C2CD3: variants seen among roughly 807,000 people sequenced by gnomAD.
The protein encoded by C2CD3 is C2 domain containing 3 centriole elongation regulator.
C2CD3 carries 148 observed loss-of-function variants against 234.0 expected under a neutral mutation model. The ratio of observed to expected loss-of-function variants is 0.63; its 90% confidence interval spans 0.55 to 0.72. The LOEUF (loss-of-function observed/expected upper bound fraction) is 0.72, where lower values mean the gene tolerates loss of function less well. Among genes scored for constraint, C2CD3 ranks in the 30% least tolerant of loss-of-function variants. The pLI is 0.00. For synonymous variants in C2CD3, 1,000 were observed against 1,035.4 expected (o/e 0.97, Z 0.66); for missense variants, 2,577 against 2,811.5 (o/e 0.92, Z 1.89).
Position 74,033,737 on chromosome 11 carries a change from C to G in C2CD3, c.6423G>C (p.Leu2141=). The G allele has an allele frequency of 6.5e-7, 1 of 1,536,410 alleles. No homozygotes were observed. The highest frequency in any genetic ancestry group is 8.7e-7 in the Non-Finnish European group (1 of 1,146,940). ...SSPERAVNPH[L]PRQGSPSQSL... Reference sequence around the variant, plus strand: ...TTTGGCTAGGAGAACCCTGCCTAGGCAGGTGGGGGTTGACAGCCCTTTCTG... The same window carrying G: ...TTTGGCTAGGAGAACCCTGCCTAGGGAGGTGGGGGTTGACAGCCCTTTCTG... The change falls in exon 31 of 33, where the codon CTG becomes CTC. Residue 2141 remains leucine (L), a synonymous_variant. Transcript: ENST00000334126.
intron 9 of C2CD3, among the ~76,000 whole-genome samples, chr11:74,117,024 G>GTGTGTGTATATA (rs1956992408): frequency 9.7e-6 from 1 of 103,350 alleles, no homozygotes; most frequent in African/African-American, 4.0e-5. Context: ...ATATATACGT[G>GTGTGTGTATATA]TATATGTATA....
Position 74,103,573 on chromosome 11 carries a change from T to G in C2CD3, c.2138A>C (p.Lys713Thr). ...DNKDFTGINTKLSGNTHYTPL... is the reference protein window; with the variant it reads ...DNKDFTGINTTLSGNTHYTPL... ...GGTATAATGGGTGTTGCCACTTAACTTAGTATTGATACCAGTGAAATCTTT... is the reference window on the plus strand; with the variant it reads ...GGTATAATGGGTGTTGCCACTTAACGTAGTATTGATACCAGTGAAATCTTT... Residue 713 changes from lysine (K) to threonine (T), a missense_variant, in exon 14 of 33, where the codon AAG becomes ACG. Coordinates refer to ENST00000334126, the MANE Select transcript of C2CD3 (RefSeq NM_001286577.2). 6.2e-7 allele frequency: 1 copy of G among 1,613,168 alleles called. No homozygotes were observed.
In C2CD3 at chr11:74,095,322, T is replaced by A. The variant is rs767476922; in HGVS notation, c.3066A>T (p.Thr1022=). 1 of 1,613,872 alleles carries A rather than the reference T, an allele frequency of 6.2e-7. No individual in the cohort carries two copies. ...CATAACAATCTGCTTCTCCCCAGACTGTTGCCTGAAGAGGGGCTAGCCCTT... is the reference window on the plus strand; with the variant it reads ...CATAACAATCTGCTTCTCCCCAGACAGTTGCCTGAAGAGGGGCTAGCCCTT... ...MVKGLAPLQA[T]VWGEADCYVQ... is the part of the protein sequence containing the mutation. The change falls in exon 17 of 33, where the codon ACA becomes ACT. Residue 1022 remains threonine, a synonymous_variant. Transcript: ENST00000334126.
chr11:74,103,465 A>C lies in C2CD3; in HGVS notation c.2246T>G (p.Leu749Ter). The change falls in exon 14 of 33, where the codon TTA (leucine) becomes TGA (stop). Residue 749 changes from leucine to a stop codon, truncating the protein, a stop_gained. Coordinates refer to ENST00000334126, the MANE Select transcript of C2CD3 (RefSeq NM_001286577.2). LOFTEE classifies it high-confidence loss of function. ...TGCAGTTTCCTCATGAATTTGGTTT[A>C]AGTTTTGTGGATTTTTGGTACAGGT... is the stretch of plus-strand genomic sequence containing the variant. ...DMTCTKNPQN[L>*]NQIHEETAKK... The C allele has an allele frequency of 6.2e-7, 1 of 1,614,170 alleles. No homozygotes were observed. Among genetic ancestry groups the C allele is most frequent in the Non-Finnish European group, 8.5e-7 (1 of 1,180,022 alleles).
chr11:74,160,770 A>G (rs924096043), intron 3 of C2CD3, among the ~76,000 whole-genome samples: 1 of 152,170 alleles, frequency 6.6e-6, no homozygotes, highest in African/African-American at 2.4e-5. Flanking sequence ...AAAATAATAC[A>G]TGTTTGAGAT....
intron 3 of C2CD3, among the ~76,000 whole-genome samples, chr11:74,150,504 AAAAAAAAAAAAC>A (rs1246756944): frequency 1.1e-4 from 13 of 116,362 alleles, no homozygotes; most frequent in South Asian, 2.7e-4. Context: ...AAAAAAAAAA[AAAAAAAAAAAAC>A]AAAAAAAAAA....
intron 3 of C2CD3, among the ~76,000 whole-genome samples, chr11:74,145,225 C>T (rs1320113119): frequency 6.6e-6 from 1 of 152,206 alleles, no homozygotes; most frequent in African/African-American, 2.4e-5. Context: ...ATCTTGTCAG[C>T]ATATGTTATT....
intron 24 of C2CD3, among the ~76,000 whole-genome samples, chr11:74,069,111 T>G (rs1235607149): frequency 6.6e-6 from 1 of 152,252 alleles, no homozygotes; most frequent in Non-Finnish European, 1.5e-5. Flanking sequence ...CTCCAGTTTA[T>G]TTTTAAAGCT....
At chr11:74,117,100 GAATATATATA>G (rs1957019551) in intron 9 of C2CD3, among the ~76,000 whole-genome samples, 1 of 38,818 alleles carries the variant, frequency 2.6e-5, no homozygotes, top group Non-Finnish European at 4.3e-5. Flanking sequence ...ATATATATAT[GAATATATATA>G]TATGAATATA....
intron 32 of C2CD3, among the ~76,000 whole-genome samples, chr11:74,015,002 T>C (rs1951828781): frequency 1.3e-5 from 2 of 152,260 alleles, no homozygotes; most frequent in South Asian, 4.1e-4. Context: ...TAGGCAGGTC[T>C]AGGCTAGAAG....
chr11:74,137,465 G>A (rs1957902602), intron 5 of C2CD3, among the ~76,000 whole-genome samples: 1 of 151,432 alleles, frequency 6.6e-6, no homozygotes, highest in Admixed American at 6.6e-5. Flanking sequence ...AGTACATTGG[G>A]TCAATTTTCC....
intron 31 of C2CD3, 80 bp downstream of exon 31, chr11:74,033,271 G>T: frequency 2.5e-6 from 3 of 1,184,002 alleles, no homozygotes; most frequent in Non-Finnish European, 3.5e-6. Flanking sequence ...ATTCCATGAG[G>T]GTGGCCACTT....
intron 3 of C2CD3, among the ~76,000 whole-genome samples, chr11:74,154,432 AAGAG>A (rs1855876451): frequency 6.6e-6 from 1 of 152,208 alleles, no homozygotes; most frequent in Non-Finnish European, 1.5e-5. Flanking sequence ...AAAGAAAAGA[AAGAG>A]AGAAGCCAAA....
At chr11:74,149,475 G>A (rs930842854) in intron 3 of C2CD3, among the ~76,000 whole-genome samples, 2 of 151,908 alleles carry the variant, frequency 1.3e-5, no homozygotes, top group African/African-American at 4.9e-5. Context: ...AGCTGGGACT[G>A]TAGGTGCATG....
intron 15 of C2CD3, among the ~76,000 whole-genome samples, chr11:74,099,152 A>G (rs1317451437): frequency 6.6e-6 from 1 of 152,230 alleles, no homozygotes; most frequent in Non-Finnish European, 1.5e-5. Context: ...TAAGAAAAAA[A>G]GGAAAACTAA....
At chr11:74,105,077 T>C (rs1429814360) in intron 13 of C2CD3, among the ~76,000 whole-genome samples, 2 of 152,168 alleles carry the variant, frequency 1.3e-5, no homozygotes, top group African/African-American at 4.8e-5. Context: ...GGCAGTATGA[T>C]AATCAATAAC....
chr11:74,059,994 C>T (rs999993598), intron 24 of C2CD3, among the ~76,000 whole-genome samples: 1 of 152,200 alleles, frequency 6.6e-6, no homozygotes, highest in Admixed American at 6.5e-5. Context: ...TTGGAGGGTC[C>T]CACGCCCATG....
At chr11:74,116,657 G>A (rs1022504803) in intron 9 of C2CD3, among the ~76,000 whole-genome samples, 5 of 151,576 alleles carry the variant, frequency 3.3e-5, no homozygotes, top group African/African-American at 1.2e-4. Context: ...GTCACTATAT[G>A]AAAAAGATAC....
At chr11:74,147,352 G>A (rs1331235466) in intron 3 of C2CD3, among the ~76,000 whole-genome samples, 9 of 152,286 alleles carry the variant, frequency 5.9e-5, no homozygotes, top group African/African-American at 2.2e-4. Flanking sequence ...AGGAGGTCAA[G>A]GCTGCAGTGA....
Sources: allele counts gnomAD v4.1 joint callset (sites outside exome capture counted in the v4.1 genomes callset), GRCh38; gene constraint gnomAD v4.1.1; transcripts MANE v1.5; gene names NCBI Gene and HGNC (gene_info 2026-07-23, HGNC 2026-07-21).